PCDHGB3: variants seen among roughly 807,000 people sequenced by gnomAD.
PCDHGB3 encodes the protein protocadherin gamma subfamily B, 3.
A neutral mutation model predicts 59.2 loss-of-function variants in PCDHGB3; 40 were observed. The observed-to-expected ratio is 0.68, with a 90% confidence interval of 0.52 to 0.88. PCDHGB3 has a LOEUF of 0.88. PCDHGB3 is among the 40% of genes least tolerant of loss of function. The pLI, the probability that PCDHGB3 is intolerant of heterozygous loss-of-function variation, is 0.00. For missense variants in PCDHGB3, 1,309 were observed against 1,187.9 expected (o/e 1.10, Z -1.50); for synonymous variants, 581 against 503.6 (o/e 1.15, Z -2.06).
At chr5:141,385,670 C>A in intron 1 of PCDHGB3, 1 of 420,128 alleles carries the variant, frequency 2.4e-6, no homozygotes, top group Non-Finnish European at 3.4e-6. Flanking sequence ...GAATAAAACA[C>A]ACCTCAGCTG....
intron 1 of PCDHGB3, among the ~76,000 whole-genome samples, chr5:141,464,286 A>AT (rs1453289283): frequency 6.6e-6 from 1 of 151,420 alleles, no homozygotes; most frequent in African/African-American, 2.4e-5. Flanking sequence ...AAGCAAAAAA[A>AT]AAAACTCCAT....
At chr5:141,443,665 AACT>A (rs2154560310) in intron 1 of PCDHGB3, among the ~76,000 whole-genome samples, 1 of 152,358 alleles carries the variant, frequency 6.6e-6, no homozygotes, top group African/African-American at 2.4e-5. Context: ...CATTTTACTG[AACT>A]AGTAGTTTAC....
chr5:141,394,740 G>A (rs148904388), intron 1 of PCDHGB3: 174 of 1,613,404 alleles, frequency 1.1e-4, no homozygotes, highest in Non-Finnish European at 1.4e-4. Flanking sequence ...GCAGAGCCTC[G>A]TGGTGGCCGT....
chr5:141,401,537 A>G (rs188857820), intron 1 of PCDHGB3, among the ~76,000 whole-genome samples: 56 of 152,362 alleles, frequency 3.7e-4, no homozygotes, highest in Non-Finnish European at 7.5e-4. Context: ...AACTTACAAA[A>G]AAAAGGAAAT....
rs1426255577 is a variant in PCDHGB3, at chr5:141,512,797, TG to T, written c.*1625del. 6.6e-6 allele frequency: 1 copy of T among 152,300 alleles called. No homozygotes were observed. Among genetic ancestry groups the T allele is most frequent in the African/African-American group, 2.4e-5 (1 of 41,444 alleles). The allele number at this position is 152,300 out of a possible 1,614,324, so 9.4% of individuals were successfully genotyped here. On this transcript the variant is annotated 3_prime_UTR_variant, in exon 4 of 4. Transcript: ENST00000576222. ...GCGGCCCGTGTTGTGTTTTGTGCTGTGTCCACGCGCTAAGGCGACCCCCTCC... is the reference window on the plus strand; with the variant it reads ...GCGGCCCGTGTTGTGTTTTGTGCTGTTCCACGCGCTAAGGCGACCCCCTCC...
intron 1 of PCDHGB3, among the ~76,000 whole-genome samples, chr5:141,492,922 T>C (rs1191111432): frequency 1.3e-5 from 2 of 152,194 alleles, no homozygotes; most frequent in Non-Finnish European, 2.9e-5. Context: ...TGCCCAGCGA[T>C]CTAGGGTCAG....
chr5:141,476,743 T>A lies in PCDHGB3; in HGVS notation c.2416-18064T>A. On this transcript the variant is annotated intron_variant, in intron 1 of 3. Coordinates refer to ENST00000576222, the MANE Select transcript of PCDHGB3 (RefSeq NM_018924.5). The surrounding 1 kb of genome is among the most constrained non-coding windows in gnomAD (Gnocchi z 7.6). ...CCCTGGACCGAGAACGGGAGCCTAG[T>A]CTCCAGTTAGTGCTGACGGCGTTGG... is the stretch of plus-strand genomic sequence containing the variant. The A allele has an allele frequency of 6.2e-7, 1 of 1,613,932 alleles. No individual in the cohort carries two copies. The highest frequency in any genetic ancestry group is 1.1e-5 in the South Asian group (1 of 91,064).
intron 1 of PCDHGB3, chr5:141,376,026 A>T: frequency 6.2e-7 from 1 of 1,613,128 alleles, no homozygotes; most frequent in African/African-American, 1.3e-5. Context: ...GCCGTCCAGG[A>T]CCACGGCCAG....
intron 1 of PCDHGB3, chr5:141,388,609 T>G: frequency 6.2e-7 from 1 of 1,613,926 alleles, no homozygotes; most frequent in Non-Finnish European, 8.5e-7. Context: ...GCTCCAGTGT[T>G]CAGTCAAGAC....
chr5:141,389,771 C>T lies in PCDHGB3; in HGVS notation c.2415+16962C>T, dbSNP rs1239854891. 4 of 1,613,088 alleles carry T rather than the reference C, an allele frequency of 2.5e-6. No homozygotes were observed. The Admixed American group carries it at 5.0e-5, about 20-fold the overall frequency. ...CGGGCGAAGTGCGCACAGCGCGTGC[C>T]TTAGGCGACAGGGACGCCGTCCGCC... is the stretch of plus-strand genomic sequence containing the variant. On this transcript the variant is annotated intron_variant, in intron 1 of 3. Coordinates refer to ENST00000576222, the MANE Select transcript of PCDHGB3 (RefSeq NM_018924.5).
At chr5:141,415,574 A>G (rs1168111069) in intron 1 of PCDHGB3, 3 of 1,614,066 alleles carry the variant, frequency 1.9e-6, no homozygotes, top group Non-Finnish European at 8.5e-7. Flanking sequence ...TTGTTAGATG[A>G]TTCGAAGTTT....
rs2099413641 is a variant in PCDHGB3, at chr5:141,477,586, T to C, written c.2416-17221T>C. The C allele has an allele frequency of 1.9e-6, 3 of 1,614,022 alleles. No individual in the cohort carries two copies. The highest frequency in any genetic ancestry group is 2.5e-6 in the Non-Finnish European group (3 of 1,180,036). On this transcript the variant is annotated intron_variant, in intron 1 of 3. Transcript: ENST00000576222. This position sits in a 1 kb window ranked among gnomAD's most constrained non-coding sequence, Gnocchi z 4.9. ...GGGACCCCGACGCCCCGCAGAATGC[T>C]CGGCTTTCTTTCTTTCTCTTGGAGC... is the stretch of plus-strand genomic sequence containing the variant.
At chr5:141,427,898 C>T in intron 1 of PCDHGB3, 4 of 1,570,874 alleles carry the variant, frequency 2.5e-6, no homozygotes, top group African/African-American at 1.3e-5. Flanking sequence ...AGGGCTCGCC[C>T]GCGCTCAGCG....
chr5:141,393,532 C>T (rs1411410420), intron 1 of PCDHGB3: 5 of 1,613,886 alleles, frequency 3.1e-6, no homozygotes, highest in African/African-American at 2.7e-5. Flanking sequence ...GACAATGCCC[C>T]GGTTTTTCCT....
At position 141,485,326 on chromosome 5, in the gene PCDHGB3, T is replaced by C. The variant is rs2154580391; in HGVS notation, c.2416-9481T>C. On this transcript the variant is annotated intron_variant, in intron 1 of 3. Coordinates refer to ENST00000576222, the MANE Select transcript of PCDHGB3 (RefSeq NM_018924.5). This position sits in a 1 kb window ranked among gnomAD's most constrained non-coding sequence, Gnocchi z 5.7. ...CTTTTGTAGGGAATGTCGCTCAAGATTTCCTGCTGGATACGGACAGTCTGT... is the reference window on the plus strand; with the variant it reads ...CTTTTGTAGGGAATGTCGCTCAAGACTTCCTGCTGGATACGGACAGTCTGT... 1 of 1,614,106 alleles carries C rather than the reference T, an allele frequency of 6.2e-7. No homozygotes were observed. The highest frequency in any genetic ancestry group is 1.7e-5 in the Admixed American group (1 of 60,028).
intron 1 of PCDHGB3, among the ~76,000 whole-genome samples, chr5:141,424,923 T>C (rs1428936860): frequency 6.6e-6 from 1 of 152,186 alleles, no homozygotes; most frequent in African/African-American, 2.4e-5. Flanking sequence ...CCATAATCAA[T>C]TCAGTCAACA....
At chr5:141,438,591 CATATATATATATATATATATAT>C (rs946798767) in intron 1 of PCDHGB3, among the ~76,000 whole-genome samples, 1 of 75,562 alleles carries the variant, frequency 1.3e-5, no homozygotes, top group Middle Eastern at 7.4e-3. Context: ...TACATACATA[CATATATATATATATATATATAT>C]ATATATATAT....
intron 1 of PCDHGB3, chr5:141,405,106 C>G: frequency 6.2e-7 from 1 of 1,613,964 alleles, no homozygotes; most frequent in Non-Finnish European, 8.5e-7. Flanking sequence ...GGCTGAGGCA[C>G]TGGCACTCCT....
At chr5:141,418,794 TAGAA>T in intron 1 of PCDHGB3, 1 of 1,613,706 alleles carries the variant, frequency 6.2e-7, no homozygotes, top group South Asian at 1.1e-5. Flanking sequence ...TTTGAAGAAG[TAGAA>T]AGATATACGA....
Sources: gnomAD v4.1 joint callset for allele counts (sites outside exome capture counted in the v4.1 genomes callset) on GRCh38, gnomAD v4.1.1 for gene constraint, Gnocchi (gnomAD v3.1) non-coding constraint, MANE v1.5 for transcripts, NCBI Gene and HGNC (gene_info 2026-07-23, HGNC 2026-07-21) for gene names.